The following IL6R variants were observed in gnomAD, a reference collection of about 807,000 sequenced individuals.
IL6R encodes interleukin-6 receptor subunit alpha.
A neutral mutation model predicts 48.3 loss-of-function variants in IL6R; 38 were observed. The observed-to-expected ratio is 0.79, with a 90% CI of 0.61 to 1.03. The LOEUF is 1.03. IL6R is among the 50% of genes least tolerant of loss of function. The pLI is 0.00. For synonymous variants in IL6R, 264 were observed against 256.2 expected (o/e 1.03, Z -0.29); for missense variants, 534 against 618.3 (o/e 0.86, Z 1.45).
chr1:154,407,494 T>C (rs1392938082), intron 1 of IL6R, among the ~76,000 whole-genome samples: 1 of 152,022 alleles, frequency 6.6e-6, no homozygotes, highest in Non-Finnish European at 1.5e-5. Flanking sequence ...TCCTCCCAGC[T>C]CAGAAGGAAA....
intron 9 of IL6R, among the ~76,000 whole-genome samples, chr1:154,463,719 C>T (rs4240872): frequency 0.67 from 102,173 of 152,094 alleles, 35,806 homozygotes; most frequent in East Asian, 0.83. Context: ...CGTGACTGTG[C>T]TTTTGAAGAT....
At chr1:154,460,633 A>G (rs1345454651) in intron 9 of IL6R, among the ~76,000 whole-genome samples, 4 of 152,242 alleles carry the variant, frequency 2.6e-5, no homozygotes, top group Admixed American at 6.5e-5. Context: ...TCTAACAAAC[A>G]TACAGAAAAG....
intron 7 of IL6R, among the ~76,000 whole-genome samples, chr1:154,449,402 A>G (rs1341074383): frequency 1.3e-5 from 2 of 152,142 alleles, no homozygotes; most frequent in Non-Finnish European, 1.5e-5. Context: ...AATCCCAGCT[A>G]TTTGATAGGC....
intron 6 of IL6R, chr1:154,445,223 C>T: frequency 5.0e-6 from 2 of 398,748 alleles, no homozygotes; most frequent in South Asian, 3.6e-5. Flanking sequence ...AAGTAGGGTC[C>T]CCTTGCTCAG....
chr1:154,421,093 C>T (rs909215559), intron 1 of IL6R, among the ~76,000 whole-genome samples: 15 of 152,214 alleles, frequency 9.9e-5, no homozygotes, highest in African/African-American at 3.4e-4. Context: ...CTGCTCCCTC[C>T]CTGTATGTGA....
intron 8 of IL6R, 90 bp from the exon 9 acceptor site, chr1:154,454,398 G>A: frequency 1.2e-6 from 1 of 831,490 alleles, no homozygotes; most frequent in South Asian, 1.5e-5. Flanking sequence ...GCTTTTGACA[G>A]CACCAGCTAA....
chr1:154,417,247 G>A (rs984825481), intron 1 of IL6R, among the ~76,000 whole-genome samples: 1 of 152,222 alleles, frequency 6.6e-6, no homozygotes, highest in African/African-American at 2.4e-5. Context: ...TGGACCGAGA[G>A]TCCCAGAGCC....
intron 9 of IL6R, 49 bp downstream of exon 9, chr1:154,454,630 T>A: frequency 7.8e-7 from 1 of 1,277,510 alleles, no homozygotes; most frequent in South Asian, 1.2e-5. Flanking sequence ...ATATTTCTTA[T>A]CTAGCTTTCC....
chr1:154,449,539 A>T (rs1371168301), intron 7 of IL6R, among the ~76,000 whole-genome samples: 1 of 152,134 alleles, frequency 6.6e-6, no homozygotes, highest in Non-Finnish European at 1.5e-5. Context: ...AAAAAAAAGA[A>T]GTCTGTCCAA....
At chr1:154,436,601 T>TTGGGATGGTC (rs1553308139) in intron 6 of IL6R, among the ~76,000 whole-genome samples, 3 of 152,170 alleles carry the variant, frequency 2.0e-5, no homozygotes, top group Admixed American at 1.3e-4. Context: ...TGCCATCAGA[T>TTGGGATGGTC]TGGGATGGTC....
chr1:154,465,049 GC>G, intron 9 of IL6R, 84 bp from the exon 10 acceptor site: 1 of 1,553,244 alleles, frequency 6.4e-7, no homozygotes, highest in African/African-American at 1.4e-5. Context: ...CACCAGGGCA[GC>G]CAGCTGTTGG....
intron 1 of IL6R, chr1:154,414,950 T>A: frequency 7.9e-7 from 1 of 1,259,012 alleles, no homozygotes; most frequent in Non-Finnish European, 1.1e-6. Context: ...TCGCATAGGA[T>A]GCTCCACTGG....
At position 154,467,895 on chromosome 1, in the gene IL6R, C is replaced by G. The variant is rs1356225719; in HGVS notation, c.*2515C>G. On this transcript the variant is annotated 3_prime_UTR_variant, in exon 10 of 10. Coordinates refer to ENST00000368485, the MANE Select transcript of IL6R (RefSeq NM_000565.4). ...TCTGCAGTAAGGGTGATTCTGTGCC[C>G]ACAGTTCTTCAATTCTTTATACCGT... 1 of 152,114 alleles carries G rather than the reference C, an allele frequency of 6.6e-6. No homozygotes were observed. Among genetic ancestry groups the G allele is most frequent in the East Asian group, 1.9e-4 (1 of 5,192 alleles). The allele number at this position is 152,114 out of a possible 1,614,324, so 9.4% of individuals were successfully genotyped here. A position where few individuals can be genotyped will look rare whatever the true frequency, so the allele number is the denominator to read the frequency against.
intron 6 of IL6R, among the ~76,000 whole-genome samples, chr1:154,446,590 G>C (rs1489772952): frequency 6.6e-6 from 1 of 152,196 alleles, no homozygotes. Context: ...TTAAGGCCCA[G>C]GCTTTCGCTT....
rs555959879 is a variant in IL6R, at chr1:154,426,940, C to T, written c.86-2256C>T. 3.4e-3 allele frequency among the ~76,000 whole-genome samples: 489 copies of T among 144,644 alleles called. 2 individuals carry two copies. The highest frequency in any genetic ancestry group is 6.0e-3 in the Non-Finnish European group (400 of 66,552). The allele number at this position is 144,644 out of a possible 152,430, so 94.9% of individuals were successfully genotyped here. On this transcript the variant is annotated intron_variant, in intron 1 of 9. Transcript: ENST00000368485. ...CAGAATTTTTTTTTTTTTTTTGAGA[C>T]GGAGCTTCGCTCTTTTTGCCCAGGC...
intron 6 of IL6R, among the ~76,000 whole-genome samples, chr1:154,442,046 G>C (rs1159591912): frequency 6.6e-6 from 1 of 152,152 alleles, no homozygotes; most frequent in African/African-American, 2.4e-5. Flanking sequence ...GAGGAGAGTG[G>C]GACCAGGGGC....
At chr1:154,424,089 G>A (rs772500284) in intron 1 of IL6R, among the ~76,000 whole-genome samples, 3 of 152,146 alleles carry the variant, frequency 2.0e-5, no homozygotes, top group African/African-American at 7.2e-5. Flanking sequence ...TTGCCTCAGC[G>A]GGCTCCTCTG....
At position 154,430,653 on chromosome 1, in the gene IL6R, C is replaced by T. The variant is rs760187004; in HGVS notation, c.458+47C>T. 9.3e-6 allele frequency: 15 copies of T among 1,612,538 alleles called. 1 individual carries two copies. Among genetic ancestry groups the T allele is most frequent in the East Asian group, 6.7e-5 (3 of 44,842 alleles). ...ATGTGCATGTTGGCTCCCTCCTTCC[C>T]GAGGCCCCCCAGAGAGGGGCTGGTT... On this transcript the variant is annotated intron_variant, in intron 3 of 9. Transcript: ENST00000368485.
chr1:154,407,169 C>G (rs1687774372), intron 1 of IL6R, among the ~76,000 whole-genome samples: 1 of 152,166 alleles, frequency 6.6e-6, no homozygotes, highest in South Asian at 2.1e-4. Flanking sequence ...AAGTGGAGGC[C>G]CAGGCTTGCC....
Sources: gnomAD v4.1 joint callset for allele counts (sites outside exome capture counted in the v4.1 genomes callset) on GRCh38, gnomAD v4.1.1 for gene constraint, MANE v1.5 for transcripts, NCBI Gene and HGNC (gene_info 2026-07-23, HGNC 2026-07-21) for gene names.